The following AGL variants were observed in gnomAD, a reference collection of about 807,000 sequenced individuals.
AGL encodes glycogen debranching enzyme.
Under a neutral mutation model 199.3 loss-of-function variants are expected in AGL, and 128 were observed. The observed-to-expected ratio is 0.64, with a 90% CI of 0.56 to 0.74. The LOEUF is 0.74. Among genes scored for constraint, AGL ranks in the 30% least tolerant of loss-of-function variants. AGL has a pLI of 0.00. For synonymous variants in AGL, 584 were observed against 594.7 expected (o/e 0.98, Z 0.26); for missense variants, 1,809 against 1,820.8 (o/e 0.99, Z 0.12).
chr1:99,898,515 C>T (rs980938195), intron 25 of AGL, among the ~76,000 whole-genome samples: 4 of 151,910 alleles, frequency 2.6e-5, no homozygotes, highest in Non-Finnish European at 5.9e-5. Flanking sequence ...ATATATTATC[C>T]CAGAGGGTAT....
chr1:99,887,531 AT>A (rs1652542547), intron 20 of AGL, among the ~76,000 whole-genome samples: 1 of 152,188 alleles, frequency 6.6e-6, no homozygotes, highest in Non-Finnish European at 1.5e-5. Context: ...TCTGATAAGT[AT>A]TTTTAGTATA....
intron 2 of AGL, among the ~76,000 whole-genome samples, chr1:99,857,828 CGTGGGGAGGGGG>C (rs1649668623): frequency 7.7e-5 from 1 of 13,014 alleles, no homozygotes; most frequent in Non-Finnish European, 1.5e-4. Context: ...AGAGGGAGAC[CGTGGGGAGGGGG>C]AGGGGGAGGG....
At chr1:99,849,852 G>T (rs1188738425), upstream of AGL, among the ~76,000 whole-genome samples, 1 of 152,226 alleles carries the variant, frequency 6.6e-6, no homozygotes, top group Non-Finnish European at 1.5e-5. Context: ...CTACTGTGCA[G>T]CTCAACCTAG....
At position 99,881,556 on chromosome 1, in the gene AGL, G is replaced by C. The variant is rs1269529478; in HGVS notation, c.2173G>C (p.Val725Leu). 1 of 1,613,964 alleles carries C rather than the reference G, an allele frequency of 6.2e-7. No individual in the cohort carries two copies. Among genetic ancestry groups the C allele is most frequent in the South Asian group, 1.1e-5 (1 of 91,076 alleles). Residue 725 changes from valine (V) to leucine (L), a missense_variant, in exon 17 of 34, where the codon GTT (valine) becomes CTT (leucine). Physicochemically the swap from Val to Leu is conservative, Grantham distance 32. Coordinates refer to ENST00000361915, the MANE Select transcript of AGL (RefSeq NM_000642.3). ...TGCTTCTCAGGTGTATGTGGATCAA[G>C]TTGATGAAGACATAGTGGCAGTAAC... ...KGFIQVYVDQ[V>L]DEDIVAVTRH...
chr1:99,892,294 A>G (rs1652955285), intron 23 of AGL, 138 bp from the exon 24 acceptor site: 1 of 818,126 alleles, frequency 1.2e-6, no homozygotes, highest in East Asian at 2.7e-5. Context: ...ATCTAACCAA[A>G]GTTTTAAAAA....
chr1:99,870,759 C>A lies in AGL; in HGVS notation c.848C>A (p.Ser283Tyr). The A allele has an allele frequency of 6.3e-7, 1 of 1,578,566 alleles. No individual in the cohort carries two copies. Among genetic ancestry groups the A allele is most frequent in the South Asian group, 1.1e-5 (1 of 90,164 alleles). Residue 283 changes from serine (S) to tyrosine (Y), a missense_variant and splice_region_variant, in exon 7 of 34, where the codon TCC becomes TAC. Coordinates refer to ENST00000361915, the MANE Select transcript of AGL (RefSeq NM_000642.3). The stretch of plus-strand genomic sequence containing the variant: ...TTTTTAACTATTGACATTTTTCAGT[C>A]CATCCGAAAAATAATTTGGGAGGAT... ...ALIENDHHMN[S>Y]IRKIIWEDIF... is the part of the protein sequence containing the mutation.
intron 33 of AGL, among the ~76,000 whole-genome samples, chr1:99,918,949 T>G (rs943456639): frequency 2.6e-5 from 4 of 152,168 alleles, no homozygotes; most frequent in East Asian, 1.9e-4. Context: ...ACATACTGCT[T>G]CTTCTCATCC....
rs891527554 is a variant in AGL, at chr1:99,870,510, T to C, written c.775T>C (p.Cys259Arg). 6.2e-7 allele frequency: 1 copy of C among 1,613,962 alleles called. No individual in the cohort carries two copies. The highest frequency in any genetic ancestry group is 8.5e-7 in the Non-Finnish European group (1 of 1,179,982). ...AGACAGAGCACTTTGGCGTTTCTCC[T>C]GTGATGTTGCAGAAGGGAAATACAA... ...VLDRALWRFS[C>R]DVAEGKYKEK... The change falls in exon 6 of 34, where the codon TGT (cysteine) becomes CGT (arginine). Residue 259 changes from cysteine (C) to arginine (R), a missense_variant. By Grantham distance (180) the Cys-to-Arg change is radical. Transcript: ENST00000361915.
intron 5 of AGL, among the ~76,000 whole-genome samples, chr1:99,867,638 C>T (rs921018272): frequency 2.6e-5 from 4 of 151,934 alleles, no homozygotes; most frequent in Admixed American, 2.0e-4. Flanking sequence ...TCACTGCAGC[C>T]TCCACCTCCC....
chr1:99,884,728 A>G, intron 20 of AGL, 25 bp downstream of exon 20: 2 of 1,613,122 alleles, frequency 1.2e-6, no homozygotes, highest in Non-Finnish European at 1.7e-6. Flanking sequence ...TTTGGTAGAG[A>G]TTTGCCACCT....
chr1:99,860,549 T>A (rs1649948398), intron 2 of AGL, among the ~76,000 whole-genome samples: 1 of 152,222 alleles, frequency 6.6e-6, no homozygotes, highest in South Asian at 2.1e-4. Flanking sequence ...TTAACTGTAA[T>A]GTGCTTATTT....
Position 99,913,679 on chromosome 1 carries a change from G to C in AGL, c.4102G>C (p.Ala1368Pro). 1.2e-6 allele frequency: 2 copies of C among 1,614,070 alleles called. No homozygotes were observed. Among genetic ancestry groups the C allele is most frequent in the Non-Finnish European group, 1.7e-6 (2 of 1,179,980 alleles). ...KRGIYKDSYG[A>P]SSPWCDYQLR... ...TGGCATATACAAAGATAGTTATGGA[G>C]CTTCAAGTCCTTGGTGTGACTATCA... The change falls in exon 30 of 34, where the codon GCT becomes CCT. Residue 1368 changes from alanine to proline, a missense_variant. Coordinates refer to ENST00000361915, the MANE Select transcript of AGL (RefSeq NM_000642.3).
In AGL at chr1:99,921,696, C is replaced by A; in HGVS notation, c.*45C>A. On this transcript the variant is annotated 3_prime_UTR_variant, in exon 34 of 34. Transcript: ENST00000361915. The stretch of plus-strand genomic sequence containing the variant: ...ATGCAATTACTTGTATTATAGGATG[C>A]AAGGTCATCATATGTAAATGCCTTA... 7.4e-7 allele frequency: 1 copy of A among 1,356,800 alleles called. No individual in the cohort carries two copies. Among genetic ancestry groups the A allele is most frequent in the Non-Finnish European group, 1.1e-6 (1 of 950,254 alleles). The allele number at this position is 1,356,800 out of a possible 1,614,324, so 84.0% of individuals were successfully genotyped here.
rs1654821257 is a variant in AGL, at chr1:99,912,502, A to G, written c.3934A>G (p.Thr1312Ala). The G allele has an allele frequency of 1.9e-6, 3 of 1,612,024 alleles. No homozygotes were observed. Among genetic ancestry groups the G allele is most frequent in the Non-Finnish European group, 2.5e-6 (3 of 1,178,382 alleles). ...KKNIFPYHEVTVKRHGKAIKV... is the reference protein window; with the variant it reads ...KKNIFPYHEVAVKRHGKAIKV... ...AAATATTTTCCCTTATCATGAAGTCACAGTAAAAAGACATGGTAAGCTGGT... is the reference window on the plus strand; with the variant it reads ...AAATATTTTCCCTTATCATGAAGTCGCAGTAAAAAGACATGGTAAGCTGGT... Residue 1312 changes from threonine (T) to alanine (A), a missense_variant, in exon 29 of 34, where the codon ACA becomes GCA. Physicochemically the swap from Thr to Ala is moderately conservative, Grantham distance 58 (BLOSUM62 0). Coordinates refer to ENST00000361915, the MANE Select transcript of AGL (RefSeq NM_000642.3).
intron 17 of AGL, 88 bp from the exon 18 acceptor site, chr1:99,884,032 A>T: frequency 2.7e-6 from 3 of 1,105,694 alleles, no homozygotes; most frequent in Non-Finnish European, 4.1e-6. Flanking sequence ...TTTCAACTTT[A>T]AGTTAAATGA....
intron 2 of AGL, among the ~76,000 whole-genome samples, chr1:99,852,300 C>CT (rs1649019283): frequency 6.7e-6 from 1 of 150,128 alleles, no homozygotes; most frequent in Non-Finnish European, 1.5e-5. Flanking sequence ...CCTGGCTCTG[C>CT]TGCTAACAAG....
At chr1:99,850,137 C>G (rs1416556034), upstream of AGL, 1 of 152,362 alleles carries the variant, frequency 6.6e-6, no homozygotes, top group African/African-American at 2.4e-5. Context: ...AGTGCGCGCA[C>G]GGCCAGGTTG....
At chr1:99,909,340 G>T (rs1464615869) in intron 27 of AGL, among the ~76,000 whole-genome samples, 1 of 152,086 alleles carries the variant, frequency 6.6e-6, no homozygotes, top group African/African-American at 2.4e-5. Context: ...TCCCCTCGTG[G>T]TGCCCGCAGG....
In AGL at chr1:99,891,342, G is replaced by A. The variant is rs752502818; in HGVS notation, c.2935G>A (p.Gly979Arg). The change falls in exon 22 of 34, where the codon GGA becomes AGA. Residue 979 changes from glycine (G) to arginine (R), a missense_variant. Transcript: ENST00000361915. ...CAGTAACCGGCTTATTTCACGATCAGGAACTATTGCTGAAGTAAGTAGAGC... is the reference window on the plus strand; with the variant it reads ...CAGTAACCGGCTTATTTCACGATCAAGAACTATTGCTGAAGTAAGTAGAGC... Reference protein sequence around the residue: ...YVSNRLISRSGTIAEVGKWLQ... With the variant: ...YVSNRLISRSRTIAEVGKWLQ... 6.4e-5 allele frequency: 103 copies of A among 1,613,456 alleles called. No homozygotes were observed. Among genetic ancestry groups the A allele is most frequent in the Non-Finnish European group, 8.1e-5 (96 of 1,179,690 alleles).
Sources: gnomAD v4.1 joint callset for allele counts (sites outside exome capture counted in the v4.1 genomes callset) on GRCh38, gnomAD v4.1.1 for gene constraint, MANE v1.5 for transcripts, NCBI Gene and HGNC (gene_info 2026-07-23, HGNC 2026-07-21) for gene names.